Variants in RIT2 observed in about 807,000 individuals in gnomAD.
RIT2 encodes GTP-binding protein Rit2.
Under a neutral mutation model 23.7 loss-of-function variants are expected in RIT2, and 24 were observed. The ratio of observed to expected loss-of-function variants is 1.01; its 90% CI spans 0.73 to 1.43. The LOEUF is 1.43. RIT2 is among the 40% of genes most tolerant of loss of function. RIT2 has a pLI of 0.00. For missense variants in RIT2, 236 were observed against 266.9 expected, an observed-to-expected ratio of 0.88 and a Z score of 0.81; for synonymous variants, 107 against 91.1, an observed-to-expected ratio of 1.17 and a Z score of -0.99.
intron 1 of RIT2, among the ~76,000 whole-genome samples, chr18:43,083,017 G>A (rs1032271786): frequency 2.6e-5 from 4 of 152,120 alleles, no homozygotes; most frequent in African/African-American, 9.7e-5. Flanking sequence ...AAGCTGATAA[G>A]CAACTTCAGC....
intron 3 of RIT2, among the ~76,000 whole-genome samples, chr18:42,964,793 C>A (rs937116263): frequency 2.0e-5 from 3 of 152,192 alleles, no homozygotes; most frequent in African/African-American, 7.2e-5. Context: ...TCCTGACTGA[C>A]AATGTCCTAT....
chr18:42,992,272 T>G (rs1260444548), intron 2 of RIT2, among the ~76,000 whole-genome samples: 7 of 152,098 alleles, frequency 4.6e-5, no homozygotes, highest in African/African-American at 1.7e-4. Flanking sequence ...AATACAAACT[T>G]GATAGTGGTC....
At chr18:42,927,369 G>GGTGTGTGTGTGT (rs60819423) in intron 3 of RIT2, among the ~76,000 whole-genome samples, 5 of 147,834 alleles carry the variant, frequency 3.4e-5, no homozygotes, top group African/African-American at 1.3e-4. Flanking sequence ...ATGTGGATGT[G>GGTGTGTGTGTGT]GTGTGTGTGT....
At chr18:42,970,324 G>A (rs1281420473) in intron 3 of RIT2, among the ~76,000 whole-genome samples, 2 of 151,932 alleles carry the variant, frequency 1.3e-5, no homozygotes, top group Non-Finnish European at 2.9e-5. Context: ...ACAAATGGAA[G>A]ACATCAATCA....
rs193102852 is a variant in RIT2 at position 43,009,247 on chromosome 18, T to A, written c.160+24564A>T. The stretch of plus-strand genomic sequence containing the variant: ...TACACGTCAGTCACAAACTTTTTTT[T>A]AAAATTTAAATGTAATGTTGTTGTT... On this transcript the variant is annotated intron_variant, in intron 2 of 4. Transcript: ENST00000326695. Among the ~76,000 whole-genome samples, 65 of 151,834 alleles carry A rather than the reference T, an allele frequency of 4.3e-4. No homozygotes were observed. In the Middle Eastern group the frequency reaches 0.014, roughly 32 times the overall value.
At chr18:42,819,059 A>G (rs1228476481) in intron 4 of RIT2, among the ~76,000 whole-genome samples, 2 of 152,212 alleles carry the variant, frequency 1.3e-5, no homozygotes, top group East Asian at 1.9e-4. Context: ...TCATTTGCTC[A>G]AGAATATGAA....
intron 3 of RIT2, chr18:42,949,066 T>C (rs1222421989): frequency 2.5e-6 from 1 of 397,416 alleles, no homozygotes; most frequent in Non-Finnish European, 4.4e-6. Context: ...GAAATTAAAA[T>C]AGAGAGTGCT....
intron 4 of RIT2, among the ~76,000 whole-genome samples, chr18:42,856,003 G>T (rs749089449): frequency 6.6e-6 from 1 of 152,122 alleles, no homozygotes; most frequent in Non-Finnish European, 1.5e-5. Flanking sequence ...AGCAGCCTCA[G>T]AAGTAAAAGT....
intron 1 of RIT2, among the ~76,000 whole-genome samples, chr18:43,077,042 G>T (rs1001257984): frequency 7.0e-6 from 1 of 142,348 alleles, no homozygotes; most frequent in Non-Finnish European, 1.5e-5. Flanking sequence ...GGCGGAGCTT[G>T]CAGTGAGCCG....
intron 3 of RIT2, among the ~76,000 whole-genome samples, chr18:42,929,034 GATATATATATATATAT>G (rs770619793): frequency 1.0e-5 from 1 of 96,956 alleles, no homozygotes; most frequent in East Asian, 4.9e-4. Flanking sequence ...AAAATATGGA[GATATATATATATATAT>G]ATATATATTT....
intron 4 of RIT2, among the ~76,000 whole-genome samples, chr18:42,850,584 T>G (rs764615455): frequency 6.6e-6 from 1 of 152,202 alleles, no homozygotes; most frequent in Non-Finnish European, 1.5e-5. Context: ...TGAAAAACAC[T>G]TATAATTGAT....
At chr18:42,878,113 T>C (rs1005710529) in intron 4 of RIT2, among the ~76,000 whole-genome samples, 4 of 150,508 alleles carry the variant, frequency 2.7e-5, no homozygotes, top group African/African-American at 4.9e-5. Flanking sequence ...TATATATATA[T>C]ATAATATATA....
chr18:43,064,663 AAC>A (rs1021571759), intron 1 of RIT2, among the ~76,000 whole-genome samples: 3 of 152,180 alleles, frequency 2.0e-5, no homozygotes, highest in African/African-American at 7.2e-5. Flanking sequence ...GTTCTGAAAG[AAC>A]AATGGTCCCT....
At chr18:42,832,399 C>A (rs186552815) in intron 4 of RIT2, among the ~76,000 whole-genome samples, 7 of 152,190 alleles carry the variant, frequency 4.6e-5, no homozygotes, top group African/African-American at 1.7e-4. Flanking sequence ...TTGATCCCAC[C>A]CATAATGATG....
At chr18:42,977,007 G>A (rs1347222120) in intron 2 of RIT2, among the ~76,000 whole-genome samples, 1 of 152,028 alleles carries the variant, frequency 6.6e-6, no homozygotes, top group Non-Finnish European at 1.5e-5. Flanking sequence ...TGCATTTGAA[G>A]CTGGGCAGAT....
chr18:42,748,469 G>A (rs1912971078), intron 4 of RIT2, among the ~76,000 whole-genome samples: 1 of 151,888 alleles, frequency 6.6e-6, no homozygotes, highest in African/African-American at 2.4e-5. Context: ...GGTTAAAAGG[G>A]TACACTTTTA....
intron 4 of RIT2, among the ~76,000 whole-genome samples, chr18:42,820,151 T>C (rs1906108025): frequency 6.6e-6 from 1 of 152,136 alleles, no homozygotes; most frequent in African/African-American, 2.4e-5. Flanking sequence ...GCTGAACCCA[T>C]GGATAATGAA....
At position 42,937,517 on chromosome 18, in the gene RIT2, T is replaced by C. The variant is rs138109320; in HGVS notation, c.235-13754A>G. 1.4e-3 allele frequency among the ~76,000 whole-genome samples: 214 copies of C among 152,210 alleles called. 1 individual carries two copies. Among genetic ancestry groups the C allele is most frequent in the African/African-American group, 4.5e-3 (186 of 41,544 alleles). On this transcript the variant is annotated intron_variant, in intron 3 of 4. Transcript: ENST00000326695. ...TTGACTGTGCTGGCAACATGACAAGTAGGGCAGCATGCATGGATTCCTATT... is the reference window on the plus strand; with the variant it reads ...TTGACTGTGCTGGCAACATGACAAGCAGGGCAGCATGCATGGATTCCTATT...
At chr18:42,990,509 C>A (rs1598740450) in intron 2 of RIT2, among the ~76,000 whole-genome samples, 2 of 152,328 alleles carry the variant, frequency 1.3e-5, no homozygotes, top group African/African-American at 4.8e-5. Flanking sequence ...AACCGTTACA[C>A]TCCCTATTGA....
Sources: gnomAD v4.1 joint callset for allele counts (sites outside exome capture counted in the v4.1 genomes callset) on GRCh38, gnomAD v4.1.1 for gene constraint, MANE v1.5 for transcripts, NCBI Gene and HGNC (gene_info 2026-07-23, HGNC 2026-07-21) for gene names.